Variants in PCDHA3 observed in about 807,000 individuals in gnomAD.
PCDHA3 encodes protocadherin alpha 3, also known as protocadherin alpha-3.
Under a neutral mutation model 62.2 loss-of-function variants are expected in PCDHA3, and 41 were observed. The observed-to-expected ratio is 0.66, with a 90% CI of 0.51 to 0.86. PCDHA3 has a LOEUF of 0.86. Ranked by LOEUF, PCDHA3 falls within the 40% of genes least tolerant of loss-of-function variation. PCDHA3 has a pLI of 0.00. For missense variants in PCDHA3, 1,304 were observed against 1,241.2 expected (o/e 1.05, Z -0.76); for synonymous variants, 640 against 555.4 (o/e 1.15, Z -2.14).
At chr5:140,834,851 C>G (rs2150227943) in intron 1 of PCDHA3, 1 of 1,610,676 alleles carries the variant, frequency 6.2e-7, no homozygotes. Context: ...CACTAGAGGG[C>G]GCGTCCGATG....
intron 1 of PCDHA3, chr5:140,969,405 C>T (rs781817372): frequency 6.3e-7 from 1 of 1,577,066 alleles, no homozygotes; most frequent in Non-Finnish European, 8.6e-7. Flanking sequence ...TGTGATTTGG[C>T]TTTATTGAGT....
intron 1 of PCDHA3, chr5:140,883,969 G>C: frequency 6.2e-7 from 1 of 1,612,962 alleles, no homozygotes; most frequent in Non-Finnish European, 8.5e-7. Context: ...CGCTGCTGAC[G>C]CCCGGGGCTG....
chr5:140,934,429 T>C (rs1480259267), intron 1 of PCDHA3, among the ~76,000 whole-genome samples: 1 of 152,194 alleles, frequency 6.6e-6, no homozygotes, highest in African/African-American at 2.4e-5. Context: ...TCAATGCAAG[T>C]GTAAATATAG....
At chr5:140,851,590 A>T in intron 1 of PCDHA3, 1 of 918,156 alleles carries the variant, frequency 1.1e-6, no homozygotes, top group Non-Finnish European at 1.3e-6. Flanking sequence ...ATTTTTTGAA[A>T]TTCAGTTTAC....
intron 3 of PCDHA3, among the ~76,000 whole-genome samples, chr5:141,004,120 T>C (rs1340380913): frequency 6.6e-6 from 1 of 152,178 alleles, no homozygotes; most frequent in African/African-American, 2.4e-5. Flanking sequence ...AAAGGGAGTA[T>C]CTCCATGATT....
chr5:140,856,484 C>T lies in PCDHA3; in HGVS notation c.2394+52893C>T. 3 of 1,598,366 alleles carry T rather than the reference C, an allele frequency of 1.9e-6. 1 individual carries two copies. The highest frequency in any genetic ancestry group is 2.7e-5 in the African/African-American group (2 of 74,376). The stretch of plus-strand genomic sequence containing the variant: ...AAAGCTCTCAATACCTGAATCCAGA[C>T]TGCTTGACTCTCGATTTCCACTAGA... On this transcript the variant is annotated intron_variant, in intron 1 of 3. Coordinates refer to ENST00000522353, the MANE Select transcript of PCDHA3 (RefSeq NM_018906.3).
intron 1 of PCDHA3, chr5:140,817,117 C>T (rs2126677661): frequency 1.3e-5 from 2 of 152,222 alleles, no homozygotes; most frequent in Non-Finnish European, 2.9e-5. Flanking sequence ...TTCTGAGCTG[C>T]CCTCAGGATT....
intron 1 of PCDHA3, among the ~76,000 whole-genome samples, chr5:140,910,654 C>T (rs961570287): frequency 1.3e-5 from 2 of 152,218 alleles, no homozygotes; most frequent in African/African-American, 2.4e-5. Flanking sequence ...TTGATCCCTT[C>T]CTCTACATTA....
intron 1 of PCDHA3, among the ~76,000 whole-genome samples, chr5:140,905,954 C>G (rs1297429672): frequency 6.6e-6 from 1 of 152,158 alleles, no homozygotes; most frequent in Non-Finnish European, 1.5e-5. Context: ...ATCCGATGTT[C>G]AAGGGGAGGA....
At chr5:140,969,149 G>A (rs782510891) in intron 1 of PCDHA3, 89 of 1,614,002 alleles carry the variant, frequency 5.5e-5, no homozygotes, top group Non-Finnish European at 6.8e-5. Context: ...CTGCTACAAG[G>A]CCTGTCTGAC....
chr5:140,889,403 C>T (rs1246037388), intron 1 of PCDHA3, among the ~76,000 whole-genome samples: 1 of 151,882 alleles, frequency 6.6e-6, no homozygotes, highest in Non-Finnish European at 1.5e-5. Flanking sequence ...TTAATTTACT[C>T]GAGTCAGTTA....
intron 3 of PCDHA3, among the ~76,000 whole-genome samples, chr5:140,990,966 A>G (rs2097424130): frequency 6.6e-6 from 1 of 152,214 alleles, no homozygotes; most frequent in Non-Finnish European, 1.5e-5. Context: ...GTCTCTTAGA[A>G]CAAGAGAAAG....
At chr5:140,910,154 G>A (rs575042155) in intron 1 of PCDHA3, among the ~76,000 whole-genome samples, 234 of 152,310 alleles carry the variant, frequency 1.5e-3, no homozygotes, top group African/African-American at 4.9e-3. Flanking sequence ...ATTGATTGAG[G>A]GGAAATTGAT....
chr5:140,840,105 T>A (rs1418979878), intron 1 of PCDHA3, among the ~76,000 whole-genome samples: 1 of 151,974 alleles, frequency 6.6e-6, no homozygotes, highest in Non-Finnish European at 1.5e-5. Context: ...TTTAGTGAAA[T>A]CGAGTGAAAG....
intron 1 of PCDHA3, chr5:140,842,473 G>A (rs2150336971): frequency 3.7e-6 from 6 of 1,613,820 alleles, no homozygotes; most frequent in Non-Finnish European, 3.4e-6. Flanking sequence ...CCAACGGGCA[G>A]GTGACCTGCT....
intron 1 of PCDHA3, chr5:140,871,714 T>G (rs938500670): frequency 2.5e-6 from 2 of 805,644 alleles, no homozygotes; most frequent in African/African-American, 3.5e-5. Context: ...AATGTCCTAT[T>G]TCTCTTAATA....
At chr5:140,843,641 C>G (rs2150364392) in intron 1 of PCDHA3, 1 of 1,595,514 alleles carries the variant, frequency 6.3e-7, no homozygotes, top group Admixed American at 1.7e-5. Context: ...GGCCTTCAGC[C>G]CCTGCCTTCC....
chr5:140,838,594 A>G (rs1775794332), intron 1 of PCDHA3, among the ~76,000 whole-genome samples: 1 of 152,002 alleles, frequency 6.6e-6, no homozygotes, highest in Non-Finnish European at 1.5e-5. Flanking sequence ...CAATAACCGA[A>G]TTGTCTAGAC....
At chr5:140,865,675 A>G (rs564629506) in intron 1 of PCDHA3, 8 of 152,324 alleles carry the variant, frequency 5.3e-5, no homozygotes, top group African/African-American at 1.9e-4. Flanking sequence ...AACAATTTCT[A>G]AAGTACATAT....
Sources: gnomAD v4.1 joint callset for allele counts (sites outside exome capture counted in the v4.1 genomes callset) on GRCh38, gnomAD v4.1.1 for gene constraint, MANE v1.5 for transcripts, NCBI Gene and HGNC (gene_info 2026-07-23, HGNC 2026-07-21) for gene names.